Variants in SHB observed in about 807,000 individuals in gnomAD.
SHB encodes SH2 domain containing adaptor protein B, also known as SH2 domain-containing adapter protein B.
In SHB, 20 loss-of-function variants were observed where a neutral mutation model predicts 52.3. The observed-to-expected ratio is 0.38, with a 90% CI of 0.27 to 0.56. The LOEUF (loss-of-function observed/expected upper bound fraction) is 0.56. Among genes scored for constraint, SHB ranks in the 20% least tolerant of loss-of-function variants. The pLI, the probability that SHB is intolerant of heterozygous loss-of-function variation, is 0.71. For missense variants in SHB, 825 were observed against 723.3 expected (o/e 1.14, Z -1.61); for synonymous variants, 397 against 316.5 (o/e 1.25, Z -2.70).
intron 5 of SHB, among the ~76,000 whole-genome samples, chr9:37,945,880 T>G (rs1226922991): frequency 6.6e-6 from 1 of 152,036 alleles, no homozygotes; most frequent in Non-Finnish European, 1.5e-5. Context: ...TGGACAGATG[T>G]AGGGGAAGAA....
At chr9:38,025,930 G>T (rs1564104887) in intron 1 of SHB, among the ~76,000 whole-genome samples, 1 of 152,168 alleles carries the variant, frequency 6.6e-6, no homozygotes, top group Non-Finnish European at 1.5e-5. Context: ...TCCCAACCAG[G>T]AGAGGACCTA....
At chr9:38,041,728 T>C (rs1391172223) in intron 1 of SHB, among the ~76,000 whole-genome samples, 1 of 152,120 alleles carries the variant, frequency 6.6e-6, no homozygotes, top group Non-Finnish European at 1.5e-5. Flanking sequence ...TTCAGGCTTA[T>C]GCTTTGACAG....
In SHB at chr9:37,919,754, T is replaced by C; in HGVS notation, c.*67A>G. 7.7e-7 allele frequency: 1 copy of C among 1,301,818 alleles called. No homozygotes were observed. Among genetic ancestry groups the C allele is most frequent in the Admixed American group, 1.8e-5 (1 of 56,510 alleles). The allele number at this position is 1,301,818 out of a possible 1,614,324, so 80.6% of individuals were successfully genotyped here. ...CAGCCAGCAACAGTGGCTGGGCTGG[T>C]TGGTGGGGGGCCTCTGGCACCTCCA... On this transcript the variant is annotated 3_prime_UTR_variant, in exon 6 of 6. Coordinates refer to ENST00000377707, the MANE Select transcript of SHB (RefSeq NM_003028.3).
At chr9:37,946,932 C>T (rs1398517392) in intron 5 of SHB, among the ~76,000 whole-genome samples, 1 of 152,184 alleles carries the variant, frequency 6.6e-6, no homozygotes, top group African/African-American at 2.4e-5. Flanking sequence ...CTGATGCCAC[C>T]TGCTTCCTTT....
At chr9:38,009,445 C>A (rs1821110516) in intron 2 of SHB, among the ~76,000 whole-genome samples, 1 of 152,212 alleles carries the variant, frequency 6.6e-6, no homozygotes. Context: ...CTCTTGACAC[C>A]CAGTGAAGGA....
intron 1 of SHB, among the ~76,000 whole-genome samples, chr9:38,040,194 G>A (rs1404837458): frequency 6.6e-6 from 1 of 152,234 alleles, no homozygotes; most frequent in East Asian, 1.9e-4. Flanking sequence ...ATTAGGTTCA[G>A]AGAAGCAGAG....
chr9:37,920,337 T>A (rs1044222414), intron 5 of SHB, among the ~76,000 whole-genome samples: 3 of 142,050 alleles, frequency 2.1e-5, no homozygotes, highest in Non-Finnish European at 4.6e-5. Context: ...AAACAAAACT[T>A]AGTCCCTCTT....
intron 1 of SHB, among the ~76,000 whole-genome samples, chr9:38,042,425 C>T (rs752537685): frequency 3.9e-5 from 6 of 152,230 alleles, no homozygotes; most frequent in Non-Finnish European, 8.8e-5. Flanking sequence ...GCCCCAGTCC[C>T]GCTCAGGTAT....
At chr9:38,040,660 C>A (rs1459295446) in intron 1 of SHB, among the ~76,000 whole-genome samples, 1 of 151,944 alleles carries the variant, frequency 6.6e-6, no homozygotes, top group African/African-American at 2.4e-5. Context: ...GGGGTATCAG[C>A]AATAGGGCAC....
chr9:38,019,780 C>G (rs1821260197), intron 1 of SHB, among the ~76,000 whole-genome samples: 1 of 152,124 alleles, frequency 6.6e-6, no homozygotes, highest in South Asian at 2.1e-4. Context: ...GGGAAGGATG[C>G]TGCCTGAAGT....
At chr9:37,953,550 G>A (rs961364572) in intron 4 of SHB, among the ~76,000 whole-genome samples, 3 of 152,116 alleles carry the variant, frequency 2.0e-5, no homozygotes, top group African/African-American at 7.2e-5. Context: ...CAGACCCTGA[G>A]CACTGGAGCA....
At chr9:37,970,867 TC>T (rs893344121) in intron 3 of SHB, among the ~76,000 whole-genome samples, 4 of 151,564 alleles carry the variant, frequency 2.6e-5, no homozygotes, top group African/African-American at 9.7e-5. Flanking sequence ...CCCTTAGGAG[TC>T]CCCCACACTC....
chr9:38,005,571 G>A (rs957847908), intron 2 of SHB, among the ~76,000 whole-genome samples: 2 of 152,180 alleles, frequency 1.3e-5, no homozygotes, highest in African/African-American at 4.8e-5. Flanking sequence ...TCAGCCACCA[G>A]GACTCAGCTT....
At position 37,916,634 on chromosome 9, in the gene SHB, G is replaced by A. The variant is rs1337672423; in HGVS notation, c.*3187C>T. Among the ~76,000 whole-genome samples, 3 of 152,258 alleles carry A rather than the reference G, an allele frequency of 2.0e-5. No individual in the cohort carries two copies. The East Asian group carries it at 5.8e-4, about 29-fold the overall frequency. On this transcript the variant is annotated 3_prime_UTR_variant, in exon 6 of 6. Transcript: ENST00000377707. ...CCTGTGAGGACAGGGCCTGCCTCCT[G>A]AAGCCTCGGAGTCTTTGCACCCCTT...
rs181540150 is a variant in SHB at position 38,002,412 on chromosome 9, G to T, written c.838+13599C>A. Among the ~76,000 whole-genome samples the T allele has an allele frequency of 2.9e-3, 437 of 152,312 alleles. 3 individuals carry two copies. The highest frequency in any genetic ancestry group is 1.0e-2 in the African/African-American group (415 of 41,578). On this transcript the variant is annotated intron_variant, in intron 2 of 5. Coordinates refer to ENST00000377707, the MANE Select transcript of SHB (RefSeq NM_003028.3). The stretch of plus-strand genomic sequence containing the variant: ...ATCACTCCCTGCAGAGGACCTAGAG[G>T]ACAGGAACCCTGACCGACCTGGACA...
At chr9:37,991,133 T>C (rs1305933456) in intron 2 of SHB, among the ~76,000 whole-genome samples, 1 of 152,230 alleles carries the variant, frequency 6.6e-6, no homozygotes, top group Non-Finnish European at 1.5e-5. Context: ...TTTGATATTA[T>C]CAATATCTGT....
At chr9:37,949,404 A>G (rs1269184875) in intron 4 of SHB, among the ~76,000 whole-genome samples, 2 of 151,746 alleles carry the variant, frequency 1.3e-5, no homozygotes, top group African/African-American at 2.4e-5. Context: ...AAAAAAAAAA[A>G]AAAAAAGAAA....
Position 37,956,189 on chromosome 9 carries a change from A to G in SHB, c.1055-135T>C, listed in dbSNP as rs902400466. 20 of 770,872 alleles carry G rather than the reference A, an allele frequency of 2.6e-5. No homozygotes were observed. The African/African-American group carries it at 3.1e-4, about 12-fold the overall frequency. The allele number at this position is 770,872 out of a possible 1,614,324, so 47.8% of individuals were successfully genotyped here. ...AGGAGGAAGGGTTTCAAGCAATGAC[A>G]TAACATGGCACAAAAGATTTTGGCT... On this transcript the variant is annotated intron_variant, in intron 3 of 5. Transcript: ENST00000377707.
At chr9:37,925,129 T>TATCC (rs960664934) in intron 5 of SHB, among the ~76,000 whole-genome samples, 7 of 152,204 alleles carry the variant, frequency 4.6e-5, no homozygotes, top group Non-Finnish European at 7.3e-5. Flanking sequence ...TCCACCCATC[T>TATCC]ATCCATCCAT....
Sources: gnomAD v4.1 joint callset for allele counts (sites outside exome capture counted in the v4.1 genomes callset) on GRCh38, gnomAD v4.1.1 for gene constraint, MANE v1.5 for transcripts, NCBI Gene and HGNC (gene_info 2026-07-23, HGNC 2026-07-21) for gene names.